PAM: variants seen among roughly 807,000 people sequenced by gnomAD.
PAM encodes the protein peptidyl-glycine alpha-amidating monooxygenase.
PAM carries 72 observed loss-of-function variants against 122.1 expected under a neutral mutation model. The ratio of observed to expected loss-of-function variants is 0.59; its 90% CI spans 0.49 to 0.72. The LOEUF is 0.72. Ranked by LOEUF, PAM falls within the 30% of genes least tolerant of loss-of-function variation. The probability of loss-of-function intolerance (pLI) is 0.00; values close to 1 mark genes in which losing one functional copy is unlikely to be tolerated. For synonymous variants in PAM, 389 were observed against 404.4 expected (o/e 0.96, Z 0.46); for missense variants, 1,106 against 1,183.7 (o/e 0.93, Z 0.96).
At chr5:102,869,780 G>T (rs545409817) in intron 3 of PAM, among the ~76,000 whole-genome samples, 1 of 151,980 alleles carries the variant, frequency 6.6e-6, no homozygotes, top group Non-Finnish European at 1.5e-5. Flanking sequence ...TACTTTTGAA[G>T]AAAGTATTAT....
intron 23 of PAM, among the ~76,000 whole-genome samples, chr5:103,021,429 C>G (rs1254690425): frequency 6.6e-6 from 1 of 152,104 alleles, no homozygotes; most frequent in African/African-American, 2.4e-5. Context: ...TACTGGTTGG[C>G]CTGGTGAAAA....
chr5:102,933,345 A>C (rs1752209109), intron 7 of PAM, among the ~76,000 whole-genome samples: 2 of 152,268 alleles, frequency 1.3e-5, no homozygotes, highest in Admixed American at 1.3e-4. Context: ...AAATAAAAAC[A>C]TGATCATCTG....
In PAM at chr5:102,847,091, T is replaced by C. The variant is rs57308970; in HGVS notation, c.-373-18732T>C. 1.2e-3 allele frequency among the ~76,000 whole-genome samples: 185 copies of C among 152,266 alleles called. 1 individual carries two copies. The highest frequency in any genetic ancestry group is 7.3e-3 in the Admixed American group (111 of 15,298). ...TAGAAGTAGACCATCTTTTTCTTTCTCCCGAGTCCCATTTTACTAAGCTCC... is the reference window on the plus strand; with the variant it reads ...TAGAAGTAGACCATCTTTTTCTTTCCCCCGAGTCCCATTTTACTAAGCTCC... On this transcript the variant is annotated intron_variant, in intron 1 of 25. Transcript: ENST00000438793.
intron 1 of PAM, among the ~76,000 whole-genome samples, chr5:102,789,647 G>A (rs1156630456): frequency 6.6e-6 from 1 of 152,058 alleles, no homozygotes; most frequent in Non-Finnish European, 1.5e-5. Flanking sequence ...GAGAGAATGT[G>A]GAGTTACTAT....
At chr5:102,998,769 TTTAACTC>T (rs1265244859) in intron 16 of PAM, among the ~76,000 whole-genome samples, 3 of 152,122 alleles carry the variant, frequency 2.0e-5, no homozygotes, top group Non-Finnish European at 4.4e-5. Flanking sequence ...GGGGAAAGGT[TTTAACTC>T]TTAATAGCAG....
chr5:102,803,295 T>TGAGTA (rs1765384397), intron 1 of PAM, among the ~76,000 whole-genome samples: 1 of 152,056 alleles, frequency 6.6e-6, no homozygotes, highest in Admixed American at 6.5e-5. Flanking sequence ...TTTTTTCCTT[T>TGAGTA]GAGTAGGATA....
chr5:102,767,864 T>C (rs1363846322), intron 1 of PAM, among the ~76,000 whole-genome samples: 1 of 152,154 alleles, frequency 6.6e-6, no homozygotes, highest in Non-Finnish European at 1.5e-5. Context: ...TACTCTCAAG[T>C]AGATGTTGGA....
chr5:102,880,142 A>G (rs1339884125), intron 3 of PAM, among the ~76,000 whole-genome samples: 1 of 152,054 alleles, frequency 6.6e-6, no homozygotes, highest in Non-Finnish European at 1.5e-5. Flanking sequence ...TTAGCTGGGC[A>G]TGGTGGTGTA....
chr5:102,836,787 T>C (rs1216667683), intron 1 of PAM, among the ~76,000 whole-genome samples: 5 of 151,810 alleles, frequency 3.3e-5, no homozygotes, highest in Admixed American at 1.3e-4. Flanking sequence ...ACTTGCTATC[T>C]TGTAGTGAAT....
intron 3 of PAM, among the ~76,000 whole-genome samples, chr5:102,882,974 G>A (rs762827894): frequency 6.6e-5 from 10 of 151,508 alleles, no homozygotes; most frequent in Non-Finnish European, 1.5e-4. Flanking sequence ...TGTTAAATAG[G>A]GTCCTTTCCC....
At chr5:103,019,767 C>T in intron 22 of PAM, 23 bp from the exon 23 acceptor site, 7 of 1,539,274 alleles carry the variant, frequency 4.5e-6, no homozygotes, top group Non-Finnish European at 5.4e-6. Flanking sequence ...TGACTTTTCT[C>T]TCTCCTTGTT....
chr5:103,020,840 C>T (rs1007423778), intron 23 of PAM, among the ~76,000 whole-genome samples: 2 of 151,996 alleles, frequency 1.3e-5, no homozygotes, highest in South Asian at 4.1e-4. Context: ...ATAGCCAGCT[C>T]AAGGGGTAAT....
Position 103,017,334 on chromosome 5 carries a change from C to A in PAM, c.2332C>A (p.His778Asn). The change falls in exon 22 of 26, where the codon CAC becomes AAC. Residue 778 changes from histidine (H) to asparagine (N), a missense_variant and splice_region_variant. His to Asn is a moderately conservative substitution (Grantham distance 68). Transcript: ENST00000438793. ...AATGTGTAGCTTCTTATTTTGGCAG[C>A]ACTTTGATATGCCTCATGATATTGT... ...IIDIFKPVRK[H>N]FDMPHDIVAS... is the part of the protein sequence containing the mutation. 1 of 1,595,266 alleles carries A rather than the reference C, an allele frequency of 6.3e-7. No individual in the cohort carries two copies. Among genetic ancestry groups the A allele is most frequent in the Non-Finnish European group, 8.6e-7 (1 of 1,163,274 alleles).
intron 1 of PAM, among the ~76,000 whole-genome samples, chr5:102,823,414 T>C (rs567230949): frequency 6.6e-6 from 1 of 151,968 alleles, no homozygotes; most frequent in South Asian, 2.1e-4. Flanking sequence ...AAAAAAAAAA[T>C]CAAAGCCTAA....
At chr5:103,018,025 C>G (rs942295135) in intron 22 of PAM, among the ~76,000 whole-genome samples, 1 of 152,136 alleles carries the variant, frequency 6.6e-6, no homozygotes, top group African/African-American at 2.4e-5. Flanking sequence ...ATTTGGACAT[C>G]ATTTTCATCT....
At position 102,779,886 on chromosome 5, in the gene PAM, C is replaced by T. The variant is rs7715262; in HGVS notation, c.-374+24538C>T. On this transcript the variant is annotated intron_variant, in intron 1 of 25. Coordinates refer to ENST00000438793, the MANE Select transcript of PAM (RefSeq NM_001177306.2). ...TTAATACTTAATAAACTCCCATATACATATATATATATATATATATATATA... is the reference window on the plus strand; with the variant it reads ...TTAATACTTAATAAACTCCCATATATATATATATATATATATATATATATA... Among the ~76,000 whole-genome samples, 185 of 80,998 alleles carry T rather than the reference C, an allele frequency of 2.3e-3. 4 individuals carry two copies. The highest frequency in any genetic ancestry group is 8.6e-3 in the African/African-American group (159 of 18,564). 53.1% of individuals were successfully genotyped at this position (80,998 alleles called of 152,430 possible).
intron 11 of PAM, among the ~76,000 whole-genome samples, chr5:102,950,416 G>GGGGTGTGTGTGTGTGTGTGTGTGT (rs372626572): frequency 2.1e-5 from 3 of 145,964 alleles, no homozygotes; most frequent in Non-Finnish European, 3.0e-5. Flanking sequence ...TATGTGGGTG[G>GGGGTGTGTGTGTGTGTGTGTGTGT]GTGTGTGTGT....
intron 1 of PAM, among the ~76,000 whole-genome samples, chr5:102,822,263 C>T (rs896237006): frequency 6.6e-6 from 1 of 152,192 alleles, no homozygotes; most frequent in South Asian, 2.1e-4. Context: ...TTCATTTGCT[C>T]ATTCATCTAT....
chr5:102,923,143 G>A (rs2151692249), intron 5 of PAM, among the ~76,000 whole-genome samples: 1 of 152,228 alleles, frequency 6.6e-6, no homozygotes, highest in Middle Eastern at 3.4e-3. Flanking sequence ...AGACTTCCTG[G>A]TTCTGGGTCC....
Sources: allele counts gnomAD v4.1 joint callset (sites outside exome capture counted in the v4.1 genomes callset), GRCh38; gene constraint gnomAD v4.1.1; transcripts MANE v1.5; gene names NCBI Gene and HGNC (gene_info 2026-07-23, HGNC 2026-07-21).